Variants in KRTAP2-1 observed in about 807,000 individuals in gnomAD.
The protein encoded by KRTAP2-1 is keratin-associated protein 2-1.
A neutral mutation model predicts 11.6 loss-of-function variants in KRTAP2-1; 5 were observed. The ratio of observed to expected loss-of-function variants is 0.43; its 90% CI spans 0.22 to 0.90. The LOEUF is 0.90. KRTAP2-1 is among the 40% of genes least tolerant of loss of function. KRTAP2-1 has a pLI of 0.26. For synonymous variants in KRTAP2-1, 19 were observed against 81.9 expected, an observed-to-expected ratio of 0.23 and a Z score of 4.15; for missense variants, 40 against 191.3, an observed-to-expected ratio of 0.21 and a Z score of 4.67.
rs2012859563 is a variant in KRTAP2-1, at chr17:41,047,115, C to G, written c.153G>C (p.Thr51=). The G allele has an allele frequency of 5.2e-6, 7 of 1,345,886 alleles. No individual in the cohort carries two copies. In the East Asian group the frequency reaches 1.5e-4, roughly 29 times the overall value. The allele number at this position is 1,345,886 out of a possible 1,614,324, so 83.4% of individuals were successfully genotyped here. The stretch of plus-strand genomic sequence containing the variant: ...GGCGGCAGGGCTCGCAGATGGGGCG[C>G]GTGCAGCGGGGCACGCAGGTCACGG... ...CRPVTCVPRC[T]RPICEPCRRP... is the part of the protein sequence containing the mutation. Residue 51 remains threonine, a synonymous_variant, in exon 1 of 1, where the codon ACG becomes ACC. Coordinates refer to ENST00000391419, the MANE Select transcript of KRTAP2-1 (RefSeq NM_001123387.1).
At position 41,046,772 on chromosome 17, in the gene KRTAP2-1, C is replaced by G; in HGVS notation, c.*109G>C. The G allele has an allele frequency of 6.6e-7, 1 of 1,512,926 alleles. No individual in the cohort carries two copies. Among genetic ancestry groups the G allele is most frequent in the South Asian group, 1.3e-5 (1 of 78,926 alleles). 93.7% of individuals were successfully genotyped at this position (1,512,926 alleles called of 1,614,324 possible). On this transcript the variant is annotated 3_prime_UTR_variant, in exon 1 of 1. Coordinates refer to ENST00000391419, the MANE Select transcript of KRTAP2-1 (RefSeq NM_001123387.1). The stretch of plus-strand genomic sequence containing the variant: ...TTTTCAGAAGGTGAGTTACGCGTTC[C>G]GGGCAGTCAGTGCACTGCTCAGCAG...
chr17:41,047,051 A>C lies in KRTAP2-1; in HGVS notation c.217T>G (p.Cys73Gly). The C allele has an allele frequency of 6.9e-7, 1 of 1,445,588 alleles. No homozygotes were observed. Among genetic ancestry groups the C allele is most frequent in the Non-Finnish European group, 9.3e-7 (1 of 1,079,874 alleles). 89.5% of individuals were successfully genotyped at this position (1,445,588 alleles called of 1,614,324 possible). A position where few individuals can be genotyped will look rare whatever the true frequency, so the allele number is the denominator to read the frequency against. ...CCDPCSLQEGCCRPITCCPSS... is the reference protein window; with the variant it reads ...CCDPCSLQEGGCRPITCCPSS... ...GGGCAGCAGGTGATGGGGCGGCAGCAGCCTTCCTGCAGGGAGCAGGGGTCG... is the reference window on the plus strand; with the variant it reads ...GGGCAGCAGGTGATGGGGCGGCAGCCGCCTTCCTGCAGGGAGCAGGGGTCG... Residue 73 changes from cysteine (C) to glycine (G), a missense_variant, in exon 1 of 1, where the codon TGC becomes GGC. Cys to Gly is a radical substitution (Grantham distance 159, BLOSUM62 -3). Coordinates refer to ENST00000391419, the MANE Select transcript of KRTAP2-1 (RefSeq NM_001123387.1).
chr17:41,046,719 G>A lies in KRTAP2-1; in HGVS notation c.*162C>T. 6 of 1,494,026 alleles carry A rather than the reference G, an allele frequency of 4.0e-6. No homozygotes were observed. Among genetic ancestry groups the A allele is most frequent in the Non-Finnish European group, 5.3e-6 (6 of 1,122,336 alleles). 92.5% of individuals were successfully genotyped at this position (1,494,026 alleles called of 1,614,324 possible). A position where few individuals can be genotyped will look rare whatever the true frequency, so the allele number is the denominator to read the frequency against. ...TTTGTGGGCTCAGGGCAGGAGGTTTGTTAAAGTAGAGAAATGGGAGTGTGA... is the reference window on the plus strand; with the variant it reads ...TTTGTGGGCTCAGGGCAGGAGGTTTATTAAAGTAGAGAAATGGGAGTGTGA... On this transcript the variant is annotated 3_prime_UTR_variant, in exon 1 of 1. Transcript: ENST00000391419.
In KRTAP2-1 at chr17:41,047,046, G is replaced by A. The variant is rs774471460; in HGVS notation, c.222C>T (p.Cys74=). The change falls in exon 1 of 1, where the codon TGC becomes TGT. Residue 74 remains cysteine, a synonymous_variant. Transcript: ENST00000391419. ...ACGAGGGGCAGCAGGTGATGGGGCGGCAGCAGCCTTCCTGCAGGGAGCAGG... is the reference window on the plus strand; with the variant it reads ...ACGAGGGGCAGCAGGTGATGGGGCGACAGCAGCCTTCCTGCAGGGAGCAGG... ...CDPCSLQEGC[C]RPITCCPSSC... is the part of the protein sequence containing the mutation. 1.3e-4 allele frequency: 190 copies of A among 1,452,228 alleles called. No homozygotes were observed. The African/African-American group carries it at 2.4e-3, about 18-fold the overall frequency. The allele number at this position is 1,452,228 out of a possible 1,614,324, so 90.0% of individuals were successfully genotyped here. A position where few individuals can be genotyped will look rare whatever the true frequency, so the allele number is the denominator to read the frequency against.
rs1307607916 is a variant in KRTAP2-1 at position 41,046,709 on chromosome 17, C to T, written c.*172G>A. ...GATGTGGGGTTTTGTGGGCTCAGGG[C>T]AGGAGGTTTGTTAAAGTAGAGAAAT... On this transcript the variant is annotated 3_prime_UTR_variant, in exon 1 of 1. Coordinates refer to ENST00000391419, the MANE Select transcript of KRTAP2-1 (RefSeq NM_001123387.1). The T allele has an allele frequency of 1.4e-5, 21 of 1,484,590 alleles. No individual in the cohort carries two copies. The highest frequency in any genetic ancestry group is 1.7e-5 in the Non-Finnish European group (19 of 1,116,534). The allele number at this position is 1,484,590 out of a possible 1,614,324, so 92.0% of individuals were successfully genotyped here.
rs531768607 is a variant in KRTAP2-1, at chr17:41,047,269, GTGGTGTCTGAGGC to G, written c.-15_-3del. On this transcript the variant is annotated 5_prime_UTR_variant, in exon 1 of 1. Transcript: ENST00000391419. ...GGAGCCGCAGCAGGAGCCGGTCATG[GTGGTGTCTGAGGC>G]TGGTGTGGGTTGGGCTGTGGAGAGG... is the stretch of plus-strand genomic sequence containing the variant. 196,721 of 1,355,838 alleles carry G rather than the reference GTGGTGTCTGAGGC, an allele frequency of 0.15. 3,057 individuals are homozygous for G. Among genetic ancestry groups the G allele is most frequent in the East Asian group, 0.34 (13,369 of 39,034 alleles). The allele number at this position is 1,355,838 out of a possible 1,614,324, so 84.0% of individuals were successfully genotyped here. A position where few individuals can be genotyped will look rare whatever the true frequency, so the allele number is the denominator to read the frequency against.
In KRTAP2-1 at chr17:41,046,669, G is replaced by A. The variant is rs1363950623; in HGVS notation, c.*212C>T. ...TCTTAATAGATGAGCCCAGTGCTCGGTTCCCTGCTTGGTTGATGTGGGGTT... is the reference window on the plus strand; with the variant it reads ...TCTTAATAGATGAGCCCAGTGCTCGATTCCCTGCTTGGTTGATGTGGGGTT... On this transcript the variant is annotated 3_prime_UTR_variant, in exon 1 of 1. Coordinates refer to ENST00000391419, the MANE Select transcript of KRTAP2-1 (RefSeq NM_001123387.1). The A allele has an allele frequency of 2.2e-6, 3 of 1,371,176 alleles. No homozygotes were observed. Among genetic ancestry groups the A allele is most frequent in the African/African-American group, 1.4e-5 (1 of 69,484 alleles). 84.9% of individuals were successfully genotyped at this position (1,371,176 alleles called of 1,614,324 possible).
Position 41,046,597 on chromosome 17 carries a change from T to C in KRTAP2-1, c.*284A>G, listed in dbSNP as rs2012842469. 1 of 717,096 alleles carries C rather than the reference T, an allele frequency of 1.4e-6. No individual in the cohort carries two copies. The highest frequency in any genetic ancestry group is 1.8e-5 in the African/African-American group (1 of 56,024). The allele number at this position is 717,096 out of a possible 1,614,324, so 44.4% of individuals were successfully genotyped here. Reference sequence around the variant, plus strand: ...AGAAAATAAACATGCCACGAAATCTTAAGAAGAAGGAAATTGCTTCTTTTA... The same window carrying C: ...AGAAAATAAACATGCCACGAAATCTCAAGAAGAAGGAAATTGCTTCTTTTA... On this transcript the variant is annotated 3_prime_UTR_variant, in exon 1 of 1. Transcript: ENST00000391419.
Position 41,046,951 on chromosome 17 carries a change from G to A in KRTAP2-1, c.317C>T (p.Ser106Phe). The stretch of plus-strand genomic sequence containing the variant: ...GCCGCAGGGGGGCCGGCAGCAGGGG[G>A]ACTGCACAGACACAGGCTGGCAGCA... ...TTCCQPVSVQ[S>F]PCCRPPCGQP... is the part of the protein sequence containing the mutation. Residue 106 changes from serine to phenylalanine, a missense_variant, in exon 1 of 1, where the codon TCC (serine) becomes TTC (phenylalanine). Transcript: ENST00000391419. The A allele has an allele frequency of 2.6e-6, 4 of 1,543,850 alleles. No individual in the cohort carries two copies. Among genetic ancestry groups the A allele is most frequent in the Non-Finnish European group, 3.5e-6 (4 of 1,148,362 alleles).
chr17:41,046,688 TG>T lies in KRTAP2-1; in HGVS notation c.*192del. On this transcript the variant is annotated 3_prime_UTR_variant, in exon 1 of 1. Transcript: ENST00000391419. ...TGCTCGGTTCCCTGCTTGGTTGATG[TG>T]GGGTTTTGTGGGCTCAGGGCAGGAG... 7.0e-7 allele frequency: 1 copy of T among 1,434,330 alleles called. No individual in the cohort carries two copies. Among genetic ancestry groups the T allele is most frequent in the Non-Finnish European group, 9.3e-7 (1 of 1,078,562 alleles). 88.9% of individuals were successfully genotyped at this position (1,434,330 alleles called of 1,614,324 possible).
Position 41,046,865 on chromosome 17 carries a change from G to A in KRTAP2-1, c.*16C>T. 2 of 1,550,162 alleles carry A rather than the reference G, an allele frequency of 1.3e-6. No homozygotes were observed. The highest frequency in any genetic ancestry group is 1.7e-6 in the Non-Finnish European group (2 of 1,149,394). ...CAGGGGGACTGCACAGACACAGGCT[G>A]GCAGCAGGTGGTGGCTCAGCAGGAG... On this transcript the variant is annotated 3_prime_UTR_variant, in exon 1 of 1. Transcript: ENST00000391419.
Position 41,046,647 on chromosome 17 carries a change from T to G in KRTAP2-1, c.*234A>C. 1 of 1,179,622 alleles carries G rather than the reference T, an allele frequency of 8.5e-7. No individual in the cohort carries two copies. The highest frequency in any genetic ancestry group is 1.2e-6 in the Non-Finnish European group (1 of 862,372). The allele number at this position is 1,179,622 out of a possible 1,614,324, so 73.1% of individuals were successfully genotyped here. A position where few individuals can be genotyped will look rare whatever the true frequency, so the allele number is the denominator to read the frequency against. On this transcript the variant is annotated 3_prime_UTR_variant, in exon 1 of 1. Transcript: ENST00000391419. ...ACAGACTTCAGAATGGCCCAGGTCT[T>G]AATAGATGAGCCCAGTGCTCGGTTC...
chr17:41,046,831 G>T lies in KRTAP2-1; in HGVS notation c.*50C>A, dbSNP rs367819282. 1.3e-6 allele frequency: 2 copies of T among 1,547,782 alleles called. No individual in the cohort carries two copies. The highest frequency in any genetic ancestry group is 1.2e-5 in the South Asian group (1 of 84,122). On this transcript the variant is annotated 3_prime_UTR_variant, in exon 1 of 1. Coordinates refer to ENST00000391419, the MANE Select transcript of KRTAP2-1 (RefSeq NM_001123387.1). Reference sequence around the variant, plus strand: ...CCTGCAGGTGGTGCTGCAAGGGGTCGGCTGGCCGCAGGGGGACTGCACAGA... The same window carrying T: ...CCTGCAGGTGGTGCTGCAAGGGGTCTGCTGGCCGCAGGGGGACTGCACAGA...
Position 41,046,596 on chromosome 17 carries a change from T to C in KRTAP2-1, c.*285A>G, listed in dbSNP as rs2012842418. 4.2e-6 allele frequency: 3 copies of C among 716,854 alleles called. No individual in the cohort carries two copies. The South Asian group carries it at 9.3e-5, about 22-fold the overall frequency. 44.4% of individuals were successfully genotyped at this position (716,854 alleles called of 1,614,324 possible). On this transcript the variant is annotated 3_prime_UTR_variant, in exon 1 of 1. Transcript: ENST00000391419. ...TAGAAAATAAACATGCCACGAAATC[T>C]TAAGAAGAAGGAAATTGCTTCTTTT...
At position 41,046,679 on chromosome 17, in the gene KRTAP2-1, T is replaced by G; in HGVS notation, c.*202A>C. ...TGAGCCCAGTGCTCGGTTCCCTGCT[T>G]GGTTGATGTGGGGTTTTGTGGGCTC... is the stretch of plus-strand genomic sequence containing the variant. On this transcript the variant is annotated 3_prime_UTR_variant, in exon 1 of 1. Transcript: ENST00000391419. The G allele has an allele frequency of 2.1e-6, 3 of 1,399,946 alleles. No individual in the cohort carries two copies. Among genetic ancestry groups the G allele is most frequent in the African/African-American group, 1.4e-5 (1 of 70,294 alleles). 86.7% of individuals were successfully genotyped at this position (1,399,946 alleles called of 1,614,324 possible).
At position 41,046,544 on chromosome 17, in the gene KRTAP2-1, T is replaced by C. The variant is rs2143787692; in HGVS notation, c.*337A>G. On this transcript the variant is annotated 3_prime_UTR_variant, in exon 1 of 1. Coordinates refer to ENST00000391419, the MANE Select transcript of KRTAP2-1 (RefSeq NM_001123387.1). Reference sequence around the variant, plus strand: ...AATGAGTAAATAAAACCAAATCTTTTTGCAAGGCCAAAGAACAGATATTTA... The same window carrying C: ...AATGAGTAAATAAAACCAAATCTTTCTGCAAGGCCAAAGAACAGATATTTA... 2.0e-6 allele frequency: 1 copy of C among 506,018 alleles called. No individual in the cohort carries two copies. The highest frequency in any genetic ancestry group is 3.1e-5 in the East Asian group (1 of 31,810). The allele number at this position is 506,018 out of a possible 1,614,324, so 31.3% of individuals were successfully genotyped here.
At position 41,046,653 on chromosome 17, in the gene KRTAP2-1, A is replaced by G. The variant is rs1238239907; in HGVS notation, c.*228T>C. ...TTCAGAATGGCCCAGGTCTTAATAGATGAGCCCAGTGCTCGGTTCCCTGCT... is the reference window on the plus strand; with the variant it reads ...TTCAGAATGGCCCAGGTCTTAATAGGTGAGCCCAGTGCTCGGTTCCCTGCT... On this transcript the variant is annotated 3_prime_UTR_variant, in exon 1 of 1. Transcript: ENST00000391419. The G allele has an allele frequency of 5.7e-6, 7 of 1,231,616 alleles. No individual in the cohort carries two copies. The highest frequency in any genetic ancestry group is 3.1e-5 in the South Asian group (2 of 65,234). The allele number at this position is 1,231,616 out of a possible 1,614,324, so 76.3% of individuals were successfully genotyped here.
rs1302720849 is a variant in KRTAP2-1 at position 41,046,764 on chromosome 17, A to C, written c.*117T>G. 5.9e-6 allele frequency: 9 copies of C among 1,524,508 alleles called. No individual in the cohort carries two copies. The highest frequency in any genetic ancestry group is 7.9e-6 in the Non-Finnish European group (9 of 1,137,894). The allele number at this position is 1,524,508 out of a possible 1,614,324, so 94.4% of individuals were successfully genotyped here. ...GTGTGACTTTTTCAGAAGGTGAGTTACGCGTTCCGGGCAGTCAGTGCACTG... is the reference window on the plus strand; with the variant it reads ...GTGTGACTTTTTCAGAAGGTGAGTTCCGCGTTCCGGGCAGTCAGTGCACTG... On this transcript the variant is annotated 3_prime_UTR_variant, in exon 1 of 1. Transcript: ENST00000391419.
Position 41,047,021 on chromosome 17 carries a change from A to T in KRTAP2-1, c.247T>A (p.Ser83Thr), listed in dbSNP as rs986449218. Residue 83 changes from serine (S) to threonine (T), a missense_variant, in exon 1 of 1, where the codon TCG (serine) becomes ACG (threonine). Ser to Thr is a moderately conservative substitution (Grantham distance 58, BLOSUM62 1). Coordinates refer to ENST00000391419, the MANE Select transcript of KRTAP2-1 (RefSeq NM_001123387.1). The part of the protein sequence containing the change: ...CCRPITCCPS[S>T]CTAVVCRPCC... ...GGCCTGCACACCACAGCCGTGCACG[A>T]CGAGGGGCAGCAGGTGATGGGGCGG... 5.1e-5 allele frequency: 76 copies of T among 1,500,070 alleles called. No individual in the cohort carries two copies. The Admixed American group carries it at 6.0e-4, about 12-fold the overall frequency. 92.9% of individuals were successfully genotyped at this position (1,500,070 alleles called of 1,614,324 possible). A position where few individuals can be genotyped will look rare whatever the true frequency, so the allele number is the denominator to read the frequency against.
Sources: allele counts gnomAD v4.1 joint callset, GRCh38; gene constraint gnomAD v4.1.1; transcripts MANE v1.5; gene names NCBI Gene and HGNC (gene_info 2026-07-23, HGNC 2026-07-21).